Variants in CDK7 observed in about 807,000 individuals in gnomAD.
CDK7 encodes the protein cyclin dependent kinase 7.
Under a neutral mutation model 49.1 loss-of-function variants are expected in CDK7, and 25 were observed. That is an observed-to-expected ratio of 0.51 (90% CI 0.37 to 0.71). The LOEUF is 0.71. Ranked by LOEUF, CDK7 falls within the 30% of genes least tolerant of loss-of-function variation. CDK7 has a pLI of 0.00. For synonymous variants in CDK7, 107 were observed against 140.0 expected (o/e 0.76, Z 1.67); for missense variants, 316 against 411.7 (o/e 0.77, Z 2.01).
intron 10 of CDK7, among the ~76,000 whole-genome samples, chr5:69,273,792 G>A (rs1751817150): frequency 6.6e-6 from 1 of 152,028 alleles, no homozygotes; most frequent in Non-Finnish European, 1.5e-5. Flanking sequence ...TTTCTCTTTA[G>A]GTTTGTTCCA....
intron 9 of CDK7, among the ~76,000 whole-genome samples, chr5:69,272,484 ATCCT>A (rs2150234613): frequency 6.6e-6 from 1 of 152,304 alleles, no homozygotes; most frequent in Admixed American, 6.5e-5. Context: ...GATAATTAAC[ATCCT>A]TCCTCTGTTG....
At position 69,264,697 on chromosome 5, in the gene CDK7, G is replaced by A. The variant is rs761606200; in HGVS notation, c.627+2393G>A. Among the ~76,000 whole-genome samples the A allele has an allele frequency of 9.9e-5, 15 of 152,274 alleles. No individual in the cohort carries two copies. The East Asian group carries it at 1.2e-3, about 12-fold the overall frequency. ...GAAGAGTACAATTATGAGGCCGGGCGCAGTAGCTCATGCCTGTAATCCCAG... is the reference window on the plus strand; with the variant it reads ...GAAGAGTACAATTATGAGGCCGGGCACAGTAGCTCATGCCTGTAATCCCAG... On this transcript the variant is annotated intron_variant, in intron 8 of 11. Transcript: ENST00000256443.
intron 7 of CDK7, among the ~76,000 whole-genome samples, 162 bp from the exon 8 acceptor site, chr5:69,262,043 A>G (rs1375365981): frequency 6.6e-6 from 1 of 152,236 alleles, no homozygotes; most frequent in East Asian, 1.9e-4. Flanking sequence ...GAGAACTGCA[A>G]GAGTATTATA....
intron 3 of CDK7, 65 bp from the exon 4 acceptor site, chr5:69,254,537 A>AG (rs1456903954): frequency 1.4e-5 from 11 of 810,664 alleles, no homozygotes; most frequent in African/African-American, 8.7e-5. Flanking sequence ...AAAAAAAAAA[A>AG]AAGAAGTGTT....
chr5:69,238,151 T>A lies in CDK7; in HGVS notation c.126+2698T>A, dbSNP rs373989544. On this transcript the variant is annotated intron_variant, in intron 2 of 11. Transcript: ENST00000256443. Reference sequence around the variant, plus strand: ...ATGTATCTCATCCTTTTAAAAAGATTATGTGGAATTTGTTTCCCAATTTAT... The same window carrying A: ...ATGTATCTCATCCTTTTAAAAAGATAATGTGGAATTTGTTTCCCAATTTAT... 2.2e-4 allele frequency among the ~76,000 whole-genome samples: 33 copies of A among 152,352 alleles called. No individual in the cohort carries two copies. The South Asian group carries it at 6.6e-3, about 31-fold the overall frequency.
At chr5:69,236,951 CTTCTTTTTTTT>C (rs1292365835) in intron 2 of CDK7, among the ~76,000 whole-genome samples, 1 of 119,632 alleles carries the variant, frequency 8.4e-6, no homozygotes, top group Admixed American at 8.6e-5. Flanking sequence ...TGTGCCTGGC[CTTCTTTTTTTT>C]TTTTTTTTTT....
intron 2 of CDK7, among the ~76,000 whole-genome samples, chr5:69,238,286 T>C (rs1580259832): frequency 7.9e-5 from 2 of 25,400 alleles, no homozygotes; most frequent in African/African-American, 4.1e-4. Context: ...TTTTTTTTCC[T>C]TTTTTTTTTT....
At chr5:69,261,077 A>T (rs1750779903) in intron 7 of CDK7, among the ~76,000 whole-genome samples, 1 of 152,092 alleles carries the variant, frequency 6.6e-6, no homozygotes, top group African/African-American at 2.4e-5. Context: ...CTCAGCCTCC[A>T]ATAGTTTTGG....
chr5:69,273,278 G>A (rs1751750415), intron 10 of CDK7, among the ~76,000 whole-genome samples: 1 of 151,850 alleles, frequency 6.6e-6, no homozygotes, highest in South Asian at 2.1e-4. Context: ...CTTGCTTAGG[G>A]ACATTTAAAT....
rs955382503 is a variant in CDK7 at position 69,235,467 on chromosome 5, T to C, written c.126+14T>C. 1.9e-6 allele frequency: 3 copies of C among 1,558,010 alleles called. No homozygotes were observed. In the African/African-American group the frequency reaches 4.1e-5, roughly 21 times the overall value. On this transcript the variant is annotated intron_variant, in intron 2 of 11. Transcript: ENST00000256443. ...GCCATTAAGAAAGTGAGTTACCTTT[T>C]TATGTTGTTTTTAAGTCTCCTTGAA...
intron 6 of CDK7, 76 bp downstream of exon 6, chr5:69,258,229 G>A (rs1750606246): frequency 1.6e-6 from 1 of 628,368 alleles, no homozygotes; most frequent in South Asian, 2.1e-5. Flanking sequence ...GTCTGAATAT[G>A]TAAATTGTTT....
chr5:69,266,479 C>A (rs937000374), intron 8 of CDK7, among the ~76,000 whole-genome samples: 1 of 152,106 alleles, frequency 6.6e-6, no homozygotes, highest in Non-Finnish European at 1.5e-5. Flanking sequence ...ATCCCAGCTA[C>A]TCGGGAAGGT....
intron 2 of CDK7, among the ~76,000 whole-genome samples, chr5:69,238,894 C>T (rs118171906): frequency 2.0e-5 from 3 of 152,130 alleles, no homozygotes; most frequent in East Asian, 3.9e-4. Context: ...ACATTATTTC[C>T]GAAATCCTCT....
intron 10 of CDK7, among the ~76,000 whole-genome samples, chr5:69,273,872 AATAT>A (rs1751828316): frequency 6.6e-6 from 1 of 152,164 alleles, no homozygotes; most frequent in Non-Finnish European, 1.5e-5. Context: ...GTGCTATGTG[AATAT>A]ATATGGAGAT....
chr5:69,234,997 C>T lies in CDK7; in HGVS notation c.22C>T (p.Arg8Trp). The change falls in exon 1 of 12, where the codon CGG becomes TGG. Residue 8 changes from arginine (R) to tryptophan (W), a missense_variant. Arg to Trp is a moderately radical substitution (Grantham distance 101, BLOSUM62 -3). Coordinates refer to ENST00000256443, the MANE Select transcript of CDK7 (RefSeq NM_001799.4). MALDVKSRAKRYEKLDFL... is the reference protein window; with the variant it reads MALDVKSWAKRYEKLDFL... The stretch of plus-strand genomic sequence containing the variant: ...CCGGATGGCTCTGGACGTGAAGTCT[C>T]GGGCAAAGCGTTATGAGAAGCTGGA... The T allele has an allele frequency of 1.2e-6, 2 of 1,601,458 alleles. No individual in the cohort carries two copies. Among genetic ancestry groups the T allele is most frequent in the South Asian group, 1.1e-5 (1 of 88,626 alleles).
intron 8 of CDK7, among the ~76,000 whole-genome samples, chr5:69,265,594 A>G (rs1751100513): frequency 6.6e-6 from 1 of 152,152 alleles, no homozygotes; most frequent in African/African-American, 2.4e-5. Flanking sequence ...CTCTGAGGGT[A>G]ACTACAATTT....
Position 69,276,664 on chromosome 5 carries a change from GGAAAA to G in CDK7, c.990_994del (p.Lys330AsnfsTer43), listed in dbSNP as rs1295496953. The G allele has an allele frequency of 1.2e-6, 2 of 1,614,020 alleles. No individual in the cohort carries two copies. On this transcript the variant is annotated frameshift_variant, in exon 11 of 12. Coordinates refer to ENST00000256443, the MANE Select transcript of CDK7 (RefSeq NM_001799.4). LOFTEE classifies it high-confidence loss of function. Reference sequence around the variant, plus strand: ...TCAAATCCAGCTTTGGCAATAAAAAGGAAAAGAACAGAGGCCTTAGAACAAGGTAA... The same window carrying G: ...TCAAATCCAGCTTTGGCAATAAAAAGGAACAGAGGCCTTAGAACAAGGTAA...
rs1208780587 is a variant in CDK7 at position 69,234,934 on chromosome 5, G to A, written c.-42G>A. The A allele has an allele frequency of 6.4e-7, 1 of 1,558,778 alleles. No individual in the cohort carries two copies. The highest frequency in any genetic ancestry group is 8.7e-7 in the Non-Finnish European group (1 of 1,147,884). ...TAGCTTTAAATTCGTGTTGTCCTGG[G>A]AGCTCGCCCTTTTCGGCTGGAGTCG... is the stretch of plus-strand genomic sequence containing the variant. On this transcript the variant is annotated 5_prime_UTR_variant, in exon 1 of 12. Transcript: ENST00000256443.
In CDK7 at chr5:69,235,051, T is replaced by C; in HGVS notation, c.66+10T>C. ...CCTTGGGGAGGGACAGGTGAGGCTC[T>C]CTGGAAGGACGGGGAGGGCCCCAAG... On this transcript the variant is annotated intron_variant, in intron 1 of 11. Transcript: ENST00000256443. 6.3e-7 allele frequency: 1 copy of C among 1,597,484 alleles called. No individual in the cohort carries two copies. Among genetic ancestry groups the C allele is most frequent in the Non-Finnish European group, 8.5e-7 (1 of 1,172,180 alleles).
Sources: allele counts gnomAD v4.1 joint callset (sites outside exome capture counted in the v4.1 genomes callset), GRCh38; gene constraint gnomAD v4.1.1; transcripts MANE v1.5; gene names NCBI Gene and HGNC (gene_info 2026-07-23, HGNC 2026-07-21).